The following RAI1 variants were observed in gnomAD, a reference collection of about 807,000 sequenced individuals.
RAI1 encodes the protein retinoic acid induced 1.
A neutral mutation model predicts 123.8 loss-of-function variants in RAI1; 9 were observed. The observed-to-expected ratio is 0.07, with a 90% CI of 0.04 to 0.13. RAI1 has a LOEUF of 0.13. Ranked by LOEUF, RAI1 falls within the 10% of genes least tolerant of loss-of-function variation. The pLI, the probability that RAI1 is intolerant of heterozygous loss-of-function variation, is 1.00. For missense variants in RAI1, 2,256 were observed against 2,545.8 expected, an observed-to-expected ratio of 0.89 and a Z score of 2.45; for synonymous variants, 1,231 against 1,127.3, an observed-to-expected ratio of 1.09 and a Z score of -1.84.
intron 1 of RAI1, among the ~76,000 whole-genome samples, chr17:17,712,995 A>G (rs1443935799): frequency 2.7e-5 from 4 of 146,468 alleles, no homozygotes; most frequent in African/African-American, 1.0e-4. Context: ...GGGTGGGGAA[A>G]TGGGGGGTGA....
intron 1 of RAI1, among the ~76,000 whole-genome samples, chr17:17,690,389 CAA>C (rs34265723): frequency 1.9e-3 from 227 of 122,174 alleles, no homozygotes; most frequent in Non-Finnish European, 1.9e-3. Context: ...GACCTTGTCT[CAA>C]AAAAAAAAAA....
intron 2 of RAI1, among the ~76,000 whole-genome samples, chr17:17,733,935 A>G (rs1350975212): frequency 6.6e-6 from 1 of 152,088 alleles, no homozygotes; most frequent in African/African-American, 2.4e-5. Context: ...ACCCAATGCA[A>G]AGGTCTGGCC....
chr17:17,782,738 C>T (rs12940418), intron 2 of RAI1, among the ~76,000 whole-genome samples: 63,079 of 151,352 alleles, frequency 0.42, 16,877 homozygotes, highest in Non-Finnish European at 0.61. Flanking sequence ...AGGTCTCGGC[C>T]TGGGGCCCGG....
At position 17,788,304 on chromosome 17, in the gene RAI1, A is replaced by G. The variant is rs374207127; in HGVS notation, c.-16-4629A>G. Among the ~76,000 whole-genome samples, 16 of 152,206 alleles carry G rather than the reference A, an allele frequency of 1.1e-4. No homozygotes were observed. In the East Asian group the frequency reaches 2.5e-3, roughly 24 times the overall value. ...TAACCTGTCCCAGAAGCCTATGGGC[A>G]CCCAACCTCTTGTCTTGTGGGCTCC... On this transcript the variant is annotated intron_variant, in intron 2 of 5. Coordinates refer to ENST00000353383, the MANE Select transcript of RAI1 (RefSeq NM_030665.4).
chr17:17,689,417 T>C (rs956767587), intron 1 of RAI1, among the ~76,000 whole-genome samples: 1 of 152,206 alleles, frequency 6.6e-6, no homozygotes, highest in Non-Finnish European at 1.5e-5. Context: ...TGAGAATTAC[T>C]AGTTTTCTGG....
At chr17:17,683,644 C>T (rs1914521806) in intron 1 of RAI1, 1 of 152,216 alleles carries the variant, frequency 6.6e-6, no homozygotes, top group Non-Finnish European at 1.5e-5. Flanking sequence ...GGCTCAGCCC[C>T]ATAACTCTGG....
intron 2 of RAI1, among the ~76,000 whole-genome samples, chr17:17,762,193 T>G (rs2081324324): frequency 6.7e-6 from 1 of 149,930 alleles, no homozygotes; most frequent in African/African-American, 2.5e-5. Flanking sequence ...TTTTGGAGAG[T>G]GGTAAGAGCT....
At chr17:17,789,246 G>T (rs759389665) in intron 2 of RAI1, among the ~76,000 whole-genome samples, 1 of 152,240 alleles carries the variant, frequency 6.6e-6, no homozygotes, top group Non-Finnish European at 1.5e-5. Flanking sequence ...CTGCGGGTGG[G>T]CTCTGCTCTG....
chr17:17,721,684 G>A (rs958416154), intron 1 of RAI1, among the ~76,000 whole-genome samples: 12 of 152,188 alleles, frequency 7.9e-5, no homozygotes, highest in African/African-American at 7.2e-5. Context: ...GGGCTTTTCC[G>A]TTGCCACCTT....
intron 2 of RAI1, among the ~76,000 whole-genome samples, chr17:17,724,808 C>T (rs1434875670): frequency 8.5e-5 from 13 of 152,196 alleles, no homozygotes; most frequent in African/African-American, 3.1e-4. Flanking sequence ...CTCTCCCCAC[C>T]CCCGCCTTCC....
chr17:17,692,744 C>T (rs1914883255), intron 1 of RAI1, among the ~76,000 whole-genome samples: 1 of 152,230 alleles, frequency 6.6e-6, no homozygotes, highest in African/African-American at 2.4e-5. Context: ...CCCTCAGAAC[C>T]TCCTCTTTCC....
At chr17:17,782,986 A>G (rs1198431044) in intron 2 of RAI1, among the ~76,000 whole-genome samples, 1 of 152,116 alleles carries the variant, frequency 6.6e-6, no homozygotes, top group Non-Finnish European at 1.5e-5. Flanking sequence ...ATCTTTGGTC[A>G]AGTGGAGTGT....
At chr17:17,803,654 G>A in intron 3 of RAI1, 102 bp from the exon 4 acceptor site, 4 of 1,104,916 alleles carry the variant, frequency 3.6e-6, no homozygotes, top group Non-Finnish European at 5.6e-6. Flanking sequence ...CCAGAGTGCT[G>A]GGATTACAGG....
intron 2 of RAI1, among the ~76,000 whole-genome samples, chr17:17,765,111 A>G (rs1204940222): frequency 3.3e-5 from 5 of 152,260 alleles, no homozygotes; most frequent in Non-Finnish European, 5.9e-5. Flanking sequence ...AGACCAGCCC[A>G]GGCAACATAG....
In RAI1 at chr17:17,796,884, G is replaced by A. The variant is rs2032280208; in HGVS notation, c.3936G>A (p.Gly1312=). The A allele has an allele frequency of 6.2e-7, 1 of 1,613,216 alleles. No individual in the cohort carries two copies. Among genetic ancestry groups the A allele is most frequent in the Non-Finnish European group, 8.5e-7 (1 of 1,180,014 alleles). ...TCGCCTCTCGGGCAGCCTTCCAGGG[G>A]GCCATGAAGACCAAGGTGCTGCCAC... The part of the protein sequence containing the change: ...LKLASRAAFQ[G]AMKTKVLPPR... Residue 1312 remains glycine, a synonymous_variant, in exon 3 of 6, where the codon GGG becomes GGA. Coordinates refer to ENST00000353383, the MANE Select transcript of RAI1 (RefSeq NM_030665.4). This position sits in a 1 kb window ranked among gnomAD's most constrained non-coding sequence, Gnocchi z 5.8.
intron 2 of RAI1, among the ~76,000 whole-genome samples, chr17:17,753,737 G>A (rs1163316668): frequency 6.6e-6 from 1 of 152,180 alleles, no homozygotes; most frequent in Non-Finnish European, 1.5e-5. Context: ...TCAGTCTTAA[G>A]TCCATCATTT....
At position 17,797,774 on chromosome 17, in the gene RAI1, C is replaced by T. The variant is rs1160687117; in HGVS notation, c.4826C>T (p.Thr1609Ile). The T allele has an allele frequency of 2.7e-5, 44 of 1,613,992 alleles. No homozygotes were observed. The highest frequency in any genetic ancestry group is 3.7e-5 in the Non-Finnish European group (44 of 1,180,036). ...VRVEKRDAFT[T>I]ICTVVNSPGD... ...GTGGAGAAGCGAGACGCGTTCACCA[C>T]CATATGCACTGTTGTCAACTCCCCT... The change falls in exon 3 of 6, where the codon ACC becomes ATC. Residue 1609 changes from threonine (T) to isoleucine (I), a missense_variant. Thr to Ile is a moderately conservative substitution (Grantham distance 89). This residue lies in a region of RAI1 where 410 missense variants were observed against 374.6 expected (regional missense o/e 1.09). Transcript: ENST00000353383.
At chr17:17,784,828 C>G (rs1010645901) in intron 2 of RAI1, among the ~76,000 whole-genome samples, 12 of 152,184 alleles carry the variant, frequency 7.9e-5, no homozygotes. Context: ...AGCCGGGCCA[C>G]TTGAGCTCGG....
At chr17:17,724,940 C>T (rs905207420) in intron 2 of RAI1, among the ~76,000 whole-genome samples, 3 of 152,172 alleles carry the variant, frequency 2.0e-5, no homozygotes, top group Non-Finnish European at 4.4e-5. Context: ...TGCCCTGCGC[C>T]CCAGTCTCAC....
Sources: allele counts gnomAD v4.1 joint callset (sites outside exome capture counted in the v4.1 genomes callset), GRCh38; gene constraint gnomAD v4.1.1; regional missense constraint gnomAD v4.1.1; non-coding constraint Gnocchi (gnomAD v3.1); transcripts MANE v1.5; gene names NCBI Gene and HGNC (gene_info 2026-07-23, HGNC 2026-07-21).